The following TSBP1 variants were observed in gnomAD, a reference collection of about 807,000 sequenced individuals.
TSBP1 encodes testis-expressed basic protein 1.
TSBP1 carries 56 observed loss-of-function variants against 68.8 expected under a neutral mutation model. The ratio of observed to expected loss-of-function variants is 0.81; its 90% confidence interval spans 0.66 to 1.02. TSBP1 has a LOEUF of 1.02. Ranked by LOEUF, TSBP1 falls within the 50% of genes least tolerant of loss-of-function variation. TSBP1 has a pLI of 0.00. For missense variants in TSBP1, 502 were observed against 641.2 expected (o/e 0.78, Z 2.34); for synonymous variants, 171 against 208.7 (o/e 0.82, Z 1.56).
chr6:32,305,817 T>C (rs1765730074), intron 19 of TSBP1, among the ~76,000 whole-genome samples: 1 of 152,160 alleles, frequency 6.6e-6, no homozygotes, highest in Non-Finnish European at 1.5e-5. Context: ...TTTTTAAAGG[T>C]CTGTATTGTC....
intron 8 of TSBP1, among the ~76,000 whole-genome samples, chr6:32,351,111 G>T (rs1157174106): frequency 6.6e-6 from 1 of 152,168 alleles, no homozygotes; most frequent in African/African-American, 2.4e-5. Flanking sequence ...TGTTAGAGCA[G>T]CTATAGAAAA....
At chr6:32,350,162 C>A in intron 8 of TSBP1, 1 of 494,770 alleles carries the variant, frequency 2.0e-6, no homozygotes, top group African/African-American at 1.9e-5. Flanking sequence ...TCTGTTTTCC[C>A]TTTGTTCGAA....
At chr6:32,347,695 C>T (rs1771212688) in intron 9 of TSBP1, among the ~76,000 whole-genome samples, 1 of 128,826 alleles carries the variant, frequency 7.8e-6, no homozygotes, top group African/African-American at 2.6e-5. Context: ...GAATTGTTCT[C>T]CATATTTTAT....
At chr6:32,307,752 AGTTTT>A (rs893690029) in intron 19 of TSBP1, among the ~76,000 whole-genome samples, 66 of 150,622 alleles carry the variant, frequency 4.4e-4, no homozygotes, top group African/African-American at 1.6e-3. Context: ...AATTATATCA[AGTTTT>A]GTTTTGTTGT....
chr6:32,342,231 C>G (rs1770462031), intron 9 of TSBP1, among the ~76,000 whole-genome samples: 2 of 150,576 alleles, frequency 1.3e-5, no homozygotes, highest in Admixed American at 1.3e-4. Flanking sequence ...GTGTTGCGAT[C>G]CTGGCTCACT....
chr6:32,349,603 A>G, intron 9 of TSBP1, 137 bp downstream of exon 9: 1 of 620,740 alleles, frequency 1.6e-6, no homozygotes, highest in South Asian at 2.1e-5. Context: ...GGTTATGGAG[A>G]ACAAAGAAAT....
Position 32,315,831 on chromosome 6 carries a change from C to A in TSBP1, c.560-39G>T. On this transcript the variant is annotated intron_variant, in intron 18 of 22. Transcript: ENST00000612031. This position sits in a 1 kb window ranked among gnomAD's most constrained non-coding sequence, Gnocchi z 5.4. The stretch of plus-strand genomic sequence containing the variant: ...AAAAAGAAATCCATTTAATTTTTCT[C>A]AAATGGAGAAAACATAGCATTATCT... 7.5e-7 allele frequency: 1 copy of A among 1,335,226 alleles called. No homozygotes were observed. Among genetic ancestry groups the A allele is most frequent in the Non-Finnish European group, 1.0e-6 (1 of 970,830 alleles). 82.7% of individuals were successfully genotyped at this position (1,335,226 alleles called of 1,614,324 possible).
intron 22 of TSBP1, 153 bp from the exon 26 acceptor site, chr6:32,294,188 A>C (rs1764467469): frequency 1.0e-5 from 8 of 797,518 alleles, no homozygotes; most frequent in Non-Finnish European, 1.6e-5. Flanking sequence ...GGTTCTCTGT[A>C]CATAAAATTA....
In TSBP1 at chr6:32,365,966, G is replaced by A. The variant is rs1184298991; in HGVS notation, c.217+201C>T. Reference sequence around the variant, plus strand: ...TGTTAAATAATTAGGAGTTGGATAGGAGAGGAATTGCATAGCTTTGGGGAA... The same window carrying A: ...TGTTAAATAATTAGGAGTTGGATAGAAGAGGAATTGCATAGCTTTGGGGAA... On this transcript the variant is annotated intron_variant, in intron 6 of 22. Coordinates refer to ENST00000612031, the Ensembl canonical transcript of TSBP1. The surrounding 1 kb of genome is among the most constrained non-coding windows in gnomAD (Gnocchi z 4.3). 4 of 761,282 alleles carry A rather than the reference G, an allele frequency of 5.3e-6. No homozygotes were observed. Among genetic ancestry groups the A allele is most frequent in the Admixed American group, 4.2e-5 (2 of 47,858 alleles). The allele number at this position is 761,282 out of a possible 1,614,324, so 47.2% of individuals were successfully genotyped here. A position where few individuals can be genotyped will look rare whatever the true frequency, so the allele number is the denominator to read the frequency against.
At chr6:32,313,500 T>C (rs1766626702) in intron 19 of TSBP1, among the ~76,000 whole-genome samples, 1 of 152,222 alleles carries the variant, frequency 6.6e-6, no homozygotes, top group Non-Finnish European at 1.5e-5. Flanking sequence ...AGGTTTCTTA[T>C]TTTAGTCTTC....
rs1184512733 is a variant in TSBP1, at chr6:32,293,719, T to A, written c.954A>T (p.Gly318=). ...CACTTTTCTTTATTTGGGCTCCCTG[T>A]CCTTGTGGTATACTCATCTCACTGA... Residue 318 remains glycine (G), a synonymous_variant, in exon 23 of 23, where the codon GGA becomes GGT. Transcript: ENST00000612031. The A allele has an allele frequency of 1.9e-6, 3 of 1,613,046 alleles. No individual in the cohort carries two copies. In the African/African-American group the frequency reaches 4.0e-5, roughly 21 times the overall value.
rs1407153682 is a variant in TSBP1 at position 32,330,528 on chromosome 6, C to T, written c.514+61G>A. On this transcript the variant is annotated intron_variant, in intron 16 of 22. Coordinates refer to ENST00000612031, the Ensembl canonical transcript of TSBP1. ...TAGGGCATTTGAGACAGGGAACAGG[C>T]CCTCTAGACACTGTAGAAGATCAAG... 4.1e-5 allele frequency: 61 copies of T among 1,495,356 alleles called. No individual in the cohort carries two copies. In the East Asian group the frequency reaches 1.4e-3, roughly 33 times the overall value. The allele number at this position is 1,495,356 out of a possible 1,614,324, so 92.6% of individuals were successfully genotyped here.
chr6:32,330,468 G>T, intron 16 of TSBP1, 121 bp downstream of exon 17: 2 of 839,752 alleles, frequency 2.4e-6, no homozygotes, highest in Non-Finnish European at 3.7e-6. Flanking sequence ...AAAAACATGT[G>T]TAAAATAACT....
intron 22 of TSBP1, among the ~76,000 whole-genome samples, chr6:32,295,349 C>CAAAA (rs3038432): frequency 7.9e-3 from 709 of 89,588 alleles, no homozygotes; most frequent in Admixed American, 0.013. Context: ...CACACACACA[C>CAAAA]AAAAAAAAAA....
At chr6:32,371,585 G>C (rs1774430092) in intron 1 of TSBP1, 109 bp downstream of exon 1, 1 of 828,638 alleles carries the variant, frequency 1.2e-6, no homozygotes, top group Admixed American at 2.0e-5. Flanking sequence ...ATTTGAAAAG[G>C]AAGCAGGCAA....
rs1053661841 is a variant in TSBP1 at position 32,315,928 on chromosome 6, T to C, written c.560-136A>G. The C allele has an allele frequency of 1.8e-6, 1 of 557,928 alleles. No individual in the cohort carries two copies. The highest frequency in any genetic ancestry group is 3.2e-6 in the Non-Finnish European group (1 of 317,272). 34.6% of individuals were successfully genotyped at this position (557,928 alleles called of 1,614,324 possible). A position where few individuals can be genotyped will look rare whatever the true frequency, so the allele number is the denominator to read the frequency against. ...GAAGGAAGCATTCCAAACCACCCTA[T>C]AGATTAGTTTTAGATTAGTTTTACA... On this transcript the variant is annotated intron_variant, in intron 18 of 22. Transcript: ENST00000612031. This position sits in a 1 kb window ranked among gnomAD's most constrained non-coding sequence, Gnocchi z 5.4.
intron 9 of TSBP1, among the ~76,000 whole-genome samples, chr6:32,347,977 A>G (rs80197836): frequency 0.027 from 4,080 of 152,310 alleles, 142 homozygotes; most frequent in South Asian, 0.11. Context: ...CTATCATATT[A>G]TCTTAATTTG....
intron 9 of TSBP1, among the ~76,000 whole-genome samples, chr6:32,347,174 T>G (rs1395176769): frequency 6.6e-6 from 1 of 152,002 alleles, no homozygotes; most frequent in Admixed American, 6.6e-5. Context: ...GATTTTTTTT[T>G]TTTTTTTGAG....
At chr6:32,369,904 C>T in exon 2 of TSBP1, 1 of 1,598,644 alleles carries the variant, frequency 6.3e-7, no homozygotes. Flanking sequence ...CACCACTTTG[C>T]TTACATCGTG....
Sources: allele counts gnomAD v4.1 joint callset (sites outside exome capture counted in the v4.1 genomes callset), GRCh38; gene constraint gnomAD v4.1.1; non-coding constraint Gnocchi (gnomAD v3.1); transcripts MANE v1.5; gene names NCBI Gene and HGNC (gene_info 2026-07-23, HGNC 2026-07-21).